NR3C2: variants seen among roughly 807,000 people sequenced by gnomAD.
NR3C2 encodes the protein mineralocorticoid receptor.
NR3C2 carries 15 observed loss-of-function variants against 86.4 expected under a neutral mutation model. The observed-to-expected ratio is 0.17, with a 90% CI of 0.12 to 0.27. The LOEUF is 0.27. Among genes scored for constraint, NR3C2 ranks in the 10% least tolerant of loss-of-function variants. The pLI is 1.00. For synonymous variants in NR3C2, 458 were observed against 450.5 expected (o/e 1.02, Z -0.21); for missense variants, 960 against 1,195.6 (o/e 0.80, Z 2.91).
intron 2 of NR3C2, among the ~76,000 whole-genome samples, chr4:148,376,049 C>T (rs1048963947): frequency 3.3e-5 from 5 of 150,346 alleles, no homozygotes; most frequent in Non-Finnish European, 7.4e-5. Flanking sequence ...CAGTCCTTTA[C>T]ATTGGTCATG....
At chr4:148,241,242 G>A (rs1046403371) in intron 3 of NR3C2, among the ~76,000 whole-genome samples, 2 of 127,818 alleles carry the variant, frequency 1.6e-5, no homozygotes, top group African/African-American at 5.9e-5. Context: ...GGAGGCAGAG[G>A]TTGCAGTGAG....
At chr4:148,387,389 A>G (rs1309491502) in intron 2 of NR3C2, among the ~76,000 whole-genome samples, 1 of 152,202 alleles carries the variant, frequency 6.6e-6, no homozygotes, top group Non-Finnish European at 1.5e-5. Flanking sequence ...TAAACTAGAG[A>G]AAGGGAGACC....
intron 6 of NR3C2, among the ~76,000 whole-genome samples, chr4:148,128,551 C>G (rs948869415): frequency 6.6e-6 from 1 of 152,154 alleles, no homozygotes; most frequent in Non-Finnish European, 1.5e-5. Context: ...GGCCATCCAC[C>G]ACAGTGAGAA....
chr4:148,408,335 A>C (rs13129427), intron 2 of NR3C2, among the ~76,000 whole-genome samples: 2 of 152,186 alleles, frequency 1.3e-5, no homozygotes, highest in Admixed American at 6.5e-5. Context: ...CTGATAAAAA[A>C]CAAAAATATG....
chr4:148,442,706 G>A (rs1750414280), upstream of NR3C2: 13 of 985,290 alleles, frequency 1.3e-5, no homozygotes, highest in South Asian at 4.7e-5. Context: ...GACACAGCCT[G>A]GACTCGGCAG....
intron 3 of NR3C2, chr4:148,207,862 T>C (rs905800496): frequency 2.0e-5 from 3 of 152,202 alleles, no homozygotes; most frequent in African/African-American, 7.2e-5. Flanking sequence ...AATGATAAAT[T>C]AGGCACACTA....
At chr4:148,125,575 T>C (rs1306335922) in intron 6 of NR3C2, among the ~76,000 whole-genome samples, 2 of 152,228 alleles carry the variant, frequency 1.3e-5, no homozygotes, top group African/African-American at 4.8e-5. Context: ...CTTGGCTATA[T>C]ATTTAAGACT....
At chr4:148,325,153 A>T (rs1579161354) in intron 2 of NR3C2, among the ~76,000 whole-genome samples, 2 of 119,928 alleles carry the variant, frequency 1.7e-5, no homozygotes, top group Admixed American at 8.0e-5. Context: ...AGAGAGAGAC[A>T]GAGTGTGTGT....
At position 148,415,223 on chromosome 4, in the gene NR3C2, A is replaced by G. The variant is rs148252358; in HGVS notation, c.1757+19881T>C. Among the ~76,000 whole-genome samples the G allele has an allele frequency of 6.4e-3, 974 of 152,344 alleles. 12 individuals carry two copies. Among genetic ancestry groups the G allele is most frequent in the African/African-American group, 0.022 (928 of 41,590 alleles). On this transcript the variant is annotated intron_variant, in intron 2 of 8. Coordinates refer to ENST00000358102, the MANE Select transcript of NR3C2 (RefSeq NM_000901.5). ...TGTCGATCTAACCTAAGAACCTGAAAGAACCATTCTTACAGGATCGCAGGA... is the reference window on the plus strand; with the variant it reads ...TGTCGATCTAACCTAAGAACCTGAAGGAACCATTCTTACAGGATCGCAGGA...
intron 4 of NR3C2, among the ~76,000 whole-genome samples, chr4:148,162,476 G>A (rs1172634092): frequency 6.6e-6 from 1 of 152,088 alleles, no homozygotes; most frequent in East Asian, 1.9e-4. Context: ...GAGACAACAT[G>A]TCTTCGAGGT....
intron 3 of NR3C2, among the ~76,000 whole-genome samples, chr4:148,230,369 T>C (rs938476098): frequency 6.6e-6 from 1 of 152,150 alleles, no homozygotes; most frequent in Non-Finnish European, 1.5e-5. Flanking sequence ...AATTTTTTTG[T>C]ATTTTTTAGT....
intron 8 of NR3C2, among the ~76,000 whole-genome samples, chr4:148,090,694 G>A (rs555994823): frequency 1.3e-5 from 2 of 152,232 alleles, no homozygotes; most frequent in Admixed American, 6.5e-5. Context: ...TGGGGTTAAG[G>A]GCTTGGCTGT....
chr4:148,140,103 T>A (rs1733538303), intron 6 of NR3C2, among the ~76,000 whole-genome samples: 1 of 152,206 alleles, frequency 6.6e-6, no homozygotes, highest in African/African-American at 2.4e-5. Flanking sequence ...GTCTGGAGCC[T>A]TCCTTTGTTT....
intron 4 of NR3C2, among the ~76,000 whole-genome samples, chr4:148,170,598 C>G (rs1188809570): frequency 6.6e-6 from 1 of 152,200 alleles, no homozygotes; most frequent in African/African-American, 2.4e-5. Context: ...CAACAAACAG[C>G]TCGACCTGGA....
intron 8 of NR3C2, among the ~76,000 whole-genome samples, chr4:148,112,067 C>T (rs1180346262): frequency 3.3e-5 from 5 of 151,928 alleles, no homozygotes; most frequent in Admixed American, 2.6e-4. Context: ...ATGATACAGC[C>T]GTTCAAAAAA....
At chr4:148,195,678 G>C (rs1023810303) in intron 3 of NR3C2, among the ~76,000 whole-genome samples, 2 of 152,190 alleles carry the variant, frequency 1.3e-5, no homozygotes, top group African/African-American at 4.8e-5. Flanking sequence ...CAGTCCTATA[G>C]ATGTTCAGTC....
chr4:148,408,741 C>A (rs1464017173), intron 2 of NR3C2, among the ~76,000 whole-genome samples: 2 of 151,918 alleles, frequency 1.3e-5, no homozygotes, highest in African/African-American at 4.8e-5. Context: ...ATGAAATAAC[C>A]CATAATATCA....
chr4:148,260,204 T>A, intron 2 of NR3C2, 87 bp from the exon 3 acceptor site: 1 of 1,540,218 alleles, frequency 6.5e-7, no homozygotes, highest in Non-Finnish European at 8.9e-7. Context: ...TTGTCAATAA[T>A]CATGGTTCGA....
chr4:148,340,456 T>C (rs549733561), intron 2 of NR3C2, among the ~76,000 whole-genome samples: 2 of 152,264 alleles, frequency 1.3e-5, no homozygotes, highest in East Asian at 3.9e-4. Context: ...GCTAGACCCC[T>C]GTCTCTTACC....
Sources: allele counts gnomAD v4.1 joint callset (sites outside exome capture counted in the v4.1 genomes callset), GRCh38; gene constraint gnomAD v4.1.1; transcripts MANE v1.5; gene names NCBI Gene and HGNC (gene_info 2026-07-23, HGNC 2026-07-21).